The following KLHL1 variants were observed in gnomAD, a reference collection of about 807,000 sequenced individuals.
KLHL1 encodes the protein kelch like family member 1, also known as kelch-like protein 1.
KLHL1 carries 47 observed loss-of-function variants against 77.7 expected under a neutral mutation model. The observed-to-expected ratio is 0.60, with a 90% confidence interval of 0.48 to 0.77. The LOEUF (loss-of-function observed/expected upper bound fraction) is 0.77, where lower values mean the gene tolerates loss of function less well. KLHL1 is among the 30% of genes least tolerant of loss of function. KLHL1 has a pLI of 0.00. For synonymous variants in KLHL1, 360 were observed against 325.2 expected (o/e 1.11, Z -1.15); for missense variants, 925 against 910.8 (o/e 1.02, Z -0.20).
At chr13:69,848,162 G>A (rs1206713047) in intron 5 of KLHL1, among the ~76,000 whole-genome samples, 1 of 151,474 alleles carries the variant, frequency 6.6e-6, no homozygotes, top group Non-Finnish European at 1.5e-5. Context: ...TACCTAGAGA[G>A]CTTTGTTTGA....
At chr13:70,074,379 A>C (rs1455033423) in intron 1 of KLHL1, among the ~76,000 whole-genome samples, 1 of 152,018 alleles carries the variant, frequency 6.6e-6, no homozygotes, top group Non-Finnish European at 1.5e-5. Context: ...TATGACAGGT[A>C]TGGTTAGTTA....
chr13:69,708,727 T>G (rs1168138136), intron 9 of KLHL1, among the ~76,000 whole-genome samples: 1 of 152,020 alleles, frequency 6.6e-6, no homozygotes, highest in Non-Finnish European at 1.5e-5. Context: ...TCTGAATGAA[T>G]GAAGAAACCG....
At chr13:69,899,017 C>T (rs944794363) in intron 4 of KLHL1, among the ~76,000 whole-genome samples, 3 of 36,880 alleles carry the variant, frequency 8.1e-5, no homozygotes, top group Non-Finnish European at 1.3e-4. Context: ...AAAAATTACA[C>T]ATTTTTTTTT....
intron 7 of KLHL1, among the ~76,000 whole-genome samples, chr13:69,786,866 GACAA>G (rs1229579358): frequency 1.3e-5 from 2 of 151,958 alleles, no homozygotes; most frequent in African/African-American, 2.4e-5. Flanking sequence ...ACCAATAACA[GACAA>G]ACAGAGCCGA....
chr13:70,079,190 A>AT (rs1325553452), intron 1 of KLHL1, among the ~76,000 whole-genome samples: 17 of 151,740 alleles, frequency 1.1e-4, no homozygotes, highest in African/African-American at 3.6e-4. Flanking sequence ...ATCTTCAGTA[A>AT]TTTTTTTTTC....
chr13:69,849,062 T>C (rs1439550341), intron 5 of KLHL1, among the ~76,000 whole-genome samples: 1 of 151,542 alleles, frequency 6.6e-6, no homozygotes, highest in Non-Finnish European at 1.5e-5. Context: ...TTTAATTGCA[T>C]CCGATTTGGG....
chr13:69,961,853 T>C (rs1326834704), intron 2 of KLHL1, among the ~76,000 whole-genome samples: 1 of 151,980 alleles, frequency 6.6e-6, no homozygotes, highest in African/African-American at 2.4e-5. Context: ...CTTGTGCCAA[T>C]AAAATAGTAT....
intron 5 of KLHL1, among the ~76,000 whole-genome samples, chr13:69,859,038 C>G (rs1360346918): frequency 6.6e-6 from 1 of 152,064 alleles, no homozygotes; most frequent in South Asian, 2.1e-4. Flanking sequence ...CCTAAAGGCC[C>G]TCTTACTCTT....
chr13:70,061,299 G>A (rs1234354644), intron 1 of KLHL1, among the ~76,000 whole-genome samples: 2 of 151,208 alleles, frequency 1.3e-5, no homozygotes, highest in Non-Finnish European at 2.9e-5. Context: ...AAAGCCTTGG[G>A]TTTTGTCCTT....
At chr13:69,729,088 A>T (rs1873428763) in intron 8 of KLHL1, among the ~76,000 whole-genome samples, 1 of 152,290 alleles carries the variant, frequency 6.6e-6, no homozygotes, top group East Asian at 1.9e-4. Context: ...AAGAAGAAAC[A>T]AAAATAACCA....
At chr13:69,946,240 T>G (rs950384179) in intron 3 of KLHL1, among the ~76,000 whole-genome samples, 2 of 152,146 alleles carry the variant, frequency 1.3e-5, no homozygotes, top group African/African-American at 4.8e-5. Context: ...TTGACGATTA[T>G]AGATATATTC....
At chr13:70,029,789 A>G (rs888418086) in intron 1 of KLHL1, among the ~76,000 whole-genome samples, 3 of 152,228 alleles carry the variant, frequency 2.0e-5, no homozygotes, top group Admixed American at 2.0e-4. Flanking sequence ...AAATGCTCCA[A>G]TTAAAAGACA....
chr13:69,844,973 C>G (rs1879404766), intron 5 of KLHL1, among the ~76,000 whole-genome samples: 1 of 151,582 alleles, frequency 6.6e-6, no homozygotes, highest in African/African-American at 2.4e-5. Context: ...AATATTTGCT[C>G]CCGCAGGATG....
At chr13:70,106,648 G>A (rs942107187) in intron 1 of KLHL1, among the ~76,000 whole-genome samples, 1 of 152,198 alleles carries the variant, frequency 6.6e-6, no homozygotes, top group Non-Finnish European at 1.5e-5. Context: ...GACCAGAAGA[G>A]AAGTTGGGAC....
chr13:69,921,325 G>A (rs1053895630), intron 4 of KLHL1, among the ~76,000 whole-genome samples: 2 of 152,180 alleles, frequency 1.3e-5, no homozygotes, highest in Non-Finnish European at 2.9e-5. Context: ...GTCCTCCATT[G>A]TGAGTGCCAT....
intron 5 of KLHL1, among the ~76,000 whole-genome samples, chr13:69,879,734 A>C (rs1056326477): frequency 1.3e-5 from 2 of 152,142 alleles, no homozygotes; most frequent in African/African-American, 4.8e-5. Flanking sequence ...CCAACCCTAA[A>C]TAAAAAATTG....
In KLHL1 at chr13:70,001,733, A is replaced by G. The variant is rs1196172261; in HGVS notation, c.498-25931T>C. Among the ~76,000 whole-genome samples the G allele has an allele frequency of 5.3e-5, 8 of 151,358 alleles. No homozygotes were observed. The Admixed American group carries it at 5.3e-4, about 10-fold the overall frequency. On this transcript the variant is annotated intron_variant, in intron 1 of 10. Transcript: ENST00000377844. ...TATCTTCCTATCTTAAATAGATCAT[A>G]TTAGTGTATTTTAATATCCATATAA...
At chr13:69,786,973 G>GAATT (rs1262705723) in intron 7 of KLHL1, among the ~76,000 whole-genome samples, 1 of 152,102 alleles carries the variant, frequency 6.6e-6, no homozygotes, top group African/African-American at 2.4e-5. Context: ...TCTTCAAGGA[G>GAATT]AATTACAAAA....
At chr13:70,074,495 C>G (rs190686876) in intron 1 of KLHL1, among the ~76,000 whole-genome samples, 28 of 152,094 alleles carry the variant, frequency 1.8e-4, no homozygotes, top group African/African-American at 6.8e-4. Flanking sequence ...GATTGATTAT[C>G]GTCCACCCAA....
Sources: allele counts gnomAD v4.1 joint callset (sites outside exome capture counted in the v4.1 genomes callset), GRCh38; gene constraint gnomAD v4.1.1; transcripts MANE v1.5; gene names NCBI Gene and HGNC (gene_info 2026-07-23, HGNC 2026-07-21).